The following TSPAN5 variants were observed in gnomAD, a reference collection of about 807,000 sequenced individuals.
The protein encoded by TSPAN5 is tetraspanin 5, also known as tetraspanin-5.
TSPAN5 carries 10 observed loss-of-function variants against 37.1 expected under a neutral mutation model. That is an observed-to-expected ratio of 0.27 (90% confidence interval 0.17 to 0.46). The LOEUF is 0.46. Among genes scored for constraint, TSPAN5 ranks in the 20% least tolerant of loss-of-function variants. The probability of loss-of-function intolerance (pLI) is 1.00; values close to 1 mark genes in which losing one functional copy is unlikely to be tolerated. For missense variants in TSPAN5, 195 were observed against 326.6 expected (o/e 0.60, Z 3.11); for synonymous variants, 110 against 118.9 (o/e 0.93, Z 0.48).
chr4:98,472,951 G>A (rs1227888135), intron 7 of TSPAN5, among the ~76,000 whole-genome samples: 3 of 152,252 alleles, frequency 2.0e-5, no homozygotes, highest in African/African-American at 4.8e-5. Flanking sequence ...TGGGGCTTTT[G>A]TGGCTGTCTT....
At chr4:98,543,452 G>A (rs1055621362) in intron 1 of TSPAN5, among the ~76,000 whole-genome samples, 4 of 144,506 alleles carry the variant, frequency 2.8e-5, no homozygotes, top group African/African-American at 7.8e-5. Flanking sequence ...GTCTCCCTCT[G>A]TCGCCCAGAC....
intron 1 of TSPAN5, among the ~76,000 whole-genome samples, chr4:98,610,270 T>C (rs1756149862): frequency 2.0e-5 from 3 of 152,186 alleles, no homozygotes; most frequent in African/African-American, 7.2e-5. Flanking sequence ...AGCCCTTTTA[T>C]AATCAGCACT....
At chr4:98,491,685 TAAA>T (rs33967393) in intron 2 of TSPAN5, among the ~76,000 whole-genome samples, 16 of 138,936 alleles carry the variant, frequency 1.2e-4, no homozygotes, top group Admixed American at 3.6e-4. Flanking sequence ...AGACTCTGTC[TAAA>T]AAAAAAAAAA....
intron 1 of TSPAN5, among the ~76,000 whole-genome samples, chr4:98,646,900 A>C (rs1199490084): frequency 6.6e-6 from 1 of 152,190 alleles, no homozygotes; most frequent in Non-Finnish European, 1.5e-5. Context: ...AACTCCTCAA[A>C]TCCTCAGGAT....
At chr4:98,636,615 T>A (rs846004) in intron 1 of TSPAN5, among the ~76,000 whole-genome samples, 150,879 of 152,264 alleles carry the variant, frequency 0.99, 74,763 homozygotes, top group East Asian at 1. Flanking sequence ...TACATATAAA[T>A]ATTATCTCTA....
intron 1 of TSPAN5, among the ~76,000 whole-genome samples, chr4:98,634,023 G>A (rs918593941): frequency 2.0e-5 from 3 of 151,910 alleles, no homozygotes; most frequent in East Asian, 1.9e-4. Context: ...AGGTTGCGGT[G>A]AGTGGAGATG....
intron 1 of TSPAN5, among the ~76,000 whole-genome samples, chr4:98,642,797 TA>T (rs1354552151): frequency 6.6e-6 from 1 of 152,080 alleles, no homozygotes; most frequent in Non-Finnish European, 1.5e-5. Flanking sequence ...AAAAAAGTTT[TA>T]AAGATAAAAA....
rs1255617706 is a variant in TSPAN5 at position 98,487,235 on chromosome 4, A to G, written c.133-351T>C. On this transcript the variant is annotated intron_variant, in intron 2 of 7. Coordinates refer to ENST00000305798, the MANE Select transcript of TSPAN5 (RefSeq NM_005723.4). ...TCATATTTTTGGGAAAACTATATGT[A>G]GAGAAAAAAAAAAAAAAAAGAAAAG... 2.0e-4 allele frequency among the ~76,000 whole-genome samples: 16 copies of G among 81,624 alleles called. No individual in the cohort carries two copies. The South Asian group carries it at 9.0e-3, about 46-fold the overall frequency. 53.5% of individuals were successfully genotyped at this position (81,624 alleles called of 152,430 possible). A position where few individuals can be genotyped will look rare whatever the true frequency, so the allele number is the denominator to read the frequency against.
intron 1 of TSPAN5, among the ~76,000 whole-genome samples, chr4:98,577,552 C>T (rs1384961484): frequency 2.0e-5 from 3 of 152,162 alleles, no homozygotes; most frequent in Non-Finnish European, 4.4e-5. Context: ...TATCAGGGTC[C>T]GTTTATTTTG....
chr4:98,499,893 C>T (rs541271337), intron 2 of TSPAN5, among the ~76,000 whole-genome samples: 4 of 152,140 alleles, frequency 2.6e-5, no homozygotes, highest in African/African-American at 9.6e-5. Flanking sequence ...ATCTCCTGAC[C>T]TCGTGATCTG....
At chr4:98,487,356 A>T (rs1310970266) in intron 2 of TSPAN5, among the ~76,000 whole-genome samples, 1 of 152,152 alleles carries the variant, frequency 6.6e-6, no homozygotes, top group Non-Finnish European at 1.5e-5. Flanking sequence ...TTCAGTAAAA[A>T]CAAACAAACA....
chr4:98,633,609 AC>A (rs955020668), intron 1 of TSPAN5, among the ~76,000 whole-genome samples: 30 of 152,220 alleles, frequency 2.0e-4, no homozygotes, highest in African/African-American at 6.3e-4. Flanking sequence ...ATCAGCACTC[AC>A]CCTTTGAGAA....
At chr4:98,544,757 A>G (rs1185288515) in intron 1 of TSPAN5, among the ~76,000 whole-genome samples, 1 of 152,192 alleles carries the variant, frequency 6.6e-6, no homozygotes, top group African/African-American at 2.4e-5. Context: ...ATCAGGAAGG[A>G]AGGGATGACA....
chr4:98,573,126 A>G (rs1755163751), intron 1 of TSPAN5, among the ~76,000 whole-genome samples: 1 of 152,146 alleles, frequency 6.6e-6, no homozygotes, highest in Non-Finnish European at 1.5e-5. Context: ...CTCAGTTATT[A>G]CCATATTTCC....
chr4:98,592,421 GTTT>G (rs1204813183), intron 1 of TSPAN5, among the ~76,000 whole-genome samples: 1 of 95,280 alleles, frequency 1.0e-5, no homozygotes, highest in Non-Finnish European at 2.0e-5. Context: ...AGGGATCTCT[GTTT>G]TTTGTTTTTT....
At chr4:98,655,543 C>A (rs552185103) in intron 1 of TSPAN5, among the ~76,000 whole-genome samples, 2 of 152,296 alleles carry the variant, frequency 1.3e-5, no homozygotes, top group Non-Finnish European at 2.9e-5. Context: ...CAGAACTATA[C>A]CTTTGAATGT....
intron 1 of TSPAN5, among the ~76,000 whole-genome samples, chr4:98,636,293 A>C (rs559726469): frequency 6.6e-6 from 1 of 152,374 alleles, no homozygotes; most frequent in Non-Finnish European, 1.5e-5. Context: ...AGGGAGCCTG[A>C]ATATTTTATA....
At chr4:98,647,432 C>T (rs546032782) in intron 1 of TSPAN5, among the ~76,000 whole-genome samples, 5 of 152,300 alleles carry the variant, frequency 3.3e-5, no homozygotes, top group Admixed American at 1.3e-4. Flanking sequence ...ATTAGGACTA[C>T]TTAATTGAGT....
chr4:98,584,617 T>G (rs1335236610), intron 1 of TSPAN5, among the ~76,000 whole-genome samples: 1 of 152,266 alleles, frequency 6.6e-6, no homozygotes, highest in African/African-American at 2.4e-5. Flanking sequence ...CAAAATCCTG[T>G]ACTGTATTTG....
Sources: allele counts gnomAD v4.1 joint callset (sites outside exome capture counted in the v4.1 genomes callset), GRCh38; gene constraint gnomAD v4.1.1; transcripts MANE v1.5; gene names NCBI Gene and HGNC (gene_info 2026-07-23, HGNC 2026-07-21).